Variants in PHF2 observed in about 807,000 individuals in gnomAD.
The protein encoded by PHF2 is lysine-specific demethylase PHF2.
Under a neutral mutation model 120.5 loss-of-function variants are expected in PHF2, and 27 were observed. The observed-to-expected ratio is 0.22, with a 90% CI of 0.17 to 0.31. The LOEUF (loss-of-function observed/expected upper bound fraction) is 0.31, where lower values mean the gene tolerates loss of function less well. Among genes scored for constraint, PHF2 ranks in the 10% least tolerant of loss-of-function variants. The probability of loss-of-function intolerance (pLI) is 1.00; values close to 1 mark genes in which losing one functional copy is unlikely to be tolerated. For synonymous variants in PHF2, 568 were observed against 592.5 expected (o/e 0.96, Z 0.60); for missense variants, 1,024 against 1,434.8 (o/e 0.71, Z 4.63).
chr9:93,583,607 G>A (rs1183422062), intron 1 of PHF2, among the ~76,000 whole-genome samples: 1 of 151,836 alleles, frequency 6.6e-6, no homozygotes, highest in East Asian at 1.9e-4. Flanking sequence ...TATTCTAGTG[G>A]GTATAAAGTG....
intron 1 of PHF2, among the ~76,000 whole-genome samples, chr9:93,619,494 G>T (rs745837633): frequency 6.6e-6 from 1 of 152,240 alleles, no homozygotes; most frequent in Admixed American, 6.5e-5. Flanking sequence ...TCGTGGGGTG[G>T]TGGATGCGGG....
chr9:93,642,397 T>A (rs1399790993), intron 3 of PHF2, among the ~76,000 whole-genome samples: 1 of 152,264 alleles, frequency 6.6e-6, no homozygotes, highest in Admixed American at 6.5e-5. Context: ...CTTCTAAGTT[T>A]GATTTCCTTC....
At position 93,678,320 on chromosome 9, in the gene PHF2, G is replaced by A. The variant is rs1445314748; in HGVS notation, c.*644G>A. On this transcript the variant is annotated 3_prime_UTR_variant, in exon 22 of 22. Coordinates refer to ENST00000359246, the MANE Select transcript of PHF2 (RefSeq NM_005392.4). ...GGGGGCAGCTAAGACTGGCAGCTGG[G>A]TTGGTGTGTTAGCGGGCAGGGGAGC... The A allele has an allele frequency of 2.6e-5, 4 of 152,646 alleles. No homozygotes were observed. The highest frequency in any genetic ancestry group is 9.6e-5 in the African/African-American group (4 of 41,470). 9.5% of individuals were successfully genotyped at this position (152,646 alleles called of 1,614,324 possible). A position where few individuals can be genotyped will look rare whatever the true frequency, so the allele number is the denominator to read the frequency against.
intron 1 of PHF2, among the ~76,000 whole-genome samples, chr9:93,590,093 T>C (rs1825178040): frequency 6.6e-6 from 1 of 152,260 alleles, no homozygotes; most frequent in African/African-American, 2.4e-5. Context: ...GTTGCTGGGC[T>C]GAAGGATATA....
intron 6 of PHF2, 55 bp downstream of exon 6, chr9:93,653,420 A>G (rs140888365): frequency 0.031 from 49,132 of 1,570,552 alleles, 901 homozygotes; most frequent in Non-Finnish European, 0.036. Flanking sequence ...ACCCATCTGC[A>G]GGATTGTCTG....
At chr9:93,627,755 G>C (rs1046556549) in intron 1 of PHF2, among the ~76,000 whole-genome samples, 2 of 152,074 alleles carry the variant, frequency 1.3e-5, no homozygotes, top group Admixed American at 6.5e-5. Flanking sequence ...AATTGAGATG[G>C]TCACGTAGGA....
chr9:93,614,929 GTGATGATGGCAATGGTGATGA>G (rs1825698854), intron 1 of PHF2, among the ~76,000 whole-genome samples: 1 of 151,390 alleles, frequency 6.6e-6, no homozygotes, highest in Non-Finnish European at 1.5e-5. Flanking sequence ...AATGGTGATG[GTGATGATGGCAATGGTGATGA>G]TGATGGTAGT....
At position 93,581,140 on chromosome 9, in the gene PHF2, C is replaced by A. The variant is rs552665957; in HGVS notation, c.98+4269C>A. Among the ~76,000 whole-genome samples the A allele has an allele frequency of 2.6e-5, 4 of 152,278 alleles. 1 individual carries two copies. In the South Asian group the frequency reaches 8.3e-4, roughly 32 times the overall value. ...CTGTCTGGGCTCAGCCTGCCCTCCT[C>A]CTCAGGGCCCTGTCTCTGTGTCCAC... is the stretch of plus-strand genomic sequence containing the variant. On this transcript the variant is annotated intron_variant, in intron 1 of 21. Transcript: ENST00000359246.
At chr9:93,647,509 C>T (rs1409083151) in intron 4 of PHF2, among the ~76,000 whole-genome samples, 1 of 152,180 alleles carries the variant, frequency 6.6e-6, no homozygotes, top group African/African-American at 2.4e-5. Context: ...ACAGTAAGCC[C>T]TCATGCACTC....
At chr9:93,650,063 C>G (rs952464864) in intron 5 of PHF2, among the ~76,000 whole-genome samples, 2 of 148,032 alleles carry the variant, frequency 1.4e-5, no homozygotes, top group African/African-American at 2.5e-5. Flanking sequence ...CGACACTCAC[C>G]CATGGACGTA....
At position 93,595,397 on chromosome 9, in the gene PHF2, G is replaced by A. The variant is rs146398302; in HGVS notation, c.98+18526G>A. On this transcript the variant is annotated intron_variant, in intron 1 of 21. Transcript: ENST00000359246. The stretch of plus-strand genomic sequence containing the variant: ...GAGGTAGAGAGTAGGGAAGCCTGAC[G>A]CTACAATATGAGGAGCCGCTTTCAG... Among the ~76,000 whole-genome samples the A allele has an allele frequency of 1.7e-3, 264 of 152,308 alleles. 1 individual carries two copies. Among genetic ancestry groups the A allele is most frequent in the East Asian group, 0.013 (69 of 5,174 alleles).
intron 10 of PHF2, among the ~76,000 whole-genome samples, chr9:93,658,488 C>T (rs1461356511): frequency 6.6e-6 from 1 of 152,160 alleles, no homozygotes; most frequent in Admixed American, 6.5e-5. Flanking sequence ...GATGCAGAGC[C>T]CCCTCCATCA....
intron 2 of PHF2, among the ~76,000 whole-genome samples, chr9:93,632,413 C>G (rs749750592): frequency 2.0e-5 from 3 of 152,144 alleles, no homozygotes; most frequent in Non-Finnish European, 4.4e-5. Context: ...ATACTCTGTT[C>G]AGGCTGCCGT....
chr9:93,633,739 T>G (rs907041912), intron 2 of PHF2, among the ~76,000 whole-genome samples: 23 of 152,196 alleles, frequency 1.5e-4, no homozygotes, highest in Non-Finnish European at 2.9e-5. Flanking sequence ...CGGGGGCCCC[T>G]GGCCTCAGTG....
chr9:93,677,555 T>C lies in PHF2; in HGVS notation c.3203-33T>C. The C allele has an allele frequency of 6.3e-7, 1 of 1,577,084 alleles. No individual in the cohort carries two copies. The stretch of plus-strand genomic sequence containing the variant: ...ACGCCCCTTGCCATCTAGCTTACCT[T>C]CCCTTTTTGTGTCCCCTCCCCGACT... On this transcript the variant is annotated intron_variant, in intron 21 of 21. Coordinates refer to ENST00000359246, the MANE Select transcript of PHF2 (RefSeq NM_005392.4). The surrounding 1 kb of genome is among the most constrained non-coding windows in gnomAD (Gnocchi z 4.4).
chr9:93,597,706 C>T (rs554381753), intron 1 of PHF2, among the ~76,000 whole-genome samples: 1 of 152,272 alleles, frequency 6.6e-6, no homozygotes, highest in East Asian at 1.9e-4. Context: ...AGGCTGGAAC[C>T]TACCCTTAGG....
At chr9:93,658,904 A>T (rs1039829895) in intron 10 of PHF2, among the ~76,000 whole-genome samples, 1 of 152,036 alleles carries the variant, frequency 6.6e-6, no homozygotes, top group African/African-American at 2.4e-5. Flanking sequence ...TACAGAAGGG[A>T]GGGGAAGGTC....
At chr9:93,646,057 C>A (rs1387585567) in intron 4 of PHF2, among the ~76,000 whole-genome samples, 1 of 152,200 alleles carries the variant, frequency 6.6e-6, no homozygotes, top group Non-Finnish European at 1.5e-5. Context: ...TTGATTCTGG[C>A]AGCTATGAAT....
intron 10 of PHF2, 88 bp from the exon 11 acceptor site, chr9:93,659,423 C>A: frequency 1.9e-6 from 2 of 1,057,086 alleles, no homozygotes; most frequent in Non-Finnish European, 2.9e-6. Flanking sequence ...AGTGGCTCGG[C>A]AGTCAGGCGA....
Sources: allele counts gnomAD v4.1 joint callset (sites outside exome capture counted in the v4.1 genomes callset), GRCh38; gene constraint gnomAD v4.1.1; non-coding constraint Gnocchi (gnomAD v3.1); transcripts MANE v1.5; gene names NCBI Gene and HGNC (gene_info 2026-07-23, HGNC 2026-07-21).